Variants in YPEL1 observed in about 807,000 individuals in gnomAD.
YPEL1 encodes the protein protein yippee-like 1.
YPEL1 carries 7 observed loss-of-function variants against 17.3 expected under a neutral mutation model. The observed-to-expected ratio is 0.40, with a 90% CI of 0.23 to 0.76. The LOEUF (loss-of-function observed/expected upper bound fraction) is 0.76. Ranked by LOEUF, YPEL1 falls within the 30% of genes least tolerant of loss-of-function variation. The pLI is 0.35. For missense variants in YPEL1, 91 were observed against 155.5 expected (o/e 0.59, Z 2.21); for synonymous variants, 59 against 59.6 (o/e 0.99, Z 0.05).
chr22:21,714,726 C>T (rs1236581794), intron 1 of YPEL1, among the ~76,000 whole-genome samples: 4 of 152,242 alleles, frequency 2.6e-5, no homozygotes, highest in Admixed American at 6.5e-5. Context: ...CAGCAGCGAA[C>T]ATGAGTCCCT....
rs950149316 is a variant in YPEL1 at position 21,707,826 on chromosome 22, A to C, written c.117+2802T>G. Among the ~76,000 whole-genome samples, 99 of 152,222 alleles carry C rather than the reference A, an allele frequency of 6.5e-4. 2 individuals carry two copies. The highest frequency in any genetic ancestry group is 2.4e-4 in the Non-Finnish European group (16 of 68,026). ...TGTAAATTAGGGCCAGGAGATAAGTAGTTTAGGCTTTGGAGGACATATGGT... is the reference window on the plus strand; with the variant it reads ...TGTAAATTAGGGCCAGGAGATAAGTCGTTTAGGCTTTGGAGGACATATGGT... On this transcript the variant is annotated intron_variant, in intron 2 of 4. Transcript: ENST00000339468.
intron 1 of YPEL1, among the ~76,000 whole-genome samples, chr22:21,720,965 C>T (rs1338548259): frequency 6.6e-6 from 1 of 151,162 alleles, no homozygotes; most frequent in Non-Finnish European, 1.5e-5. Context: ...CACACCACCA[C>T]ACCCAGCTAA....
At chr22:21,735,371 G>T (rs565973330) in intron 1 of YPEL1, among the ~76,000 whole-genome samples, 1 of 152,290 alleles carries the variant, frequency 6.6e-6, no homozygotes, top group Admixed American at 6.5e-5. Context: ...CGGGGGAGGT[G>T]GAGAGAAGAA....
chr22:21,705,179 A>C (rs962713966), intron 2 of YPEL1, among the ~76,000 whole-genome samples: 3 of 152,194 alleles, frequency 2.0e-5, no homozygotes, highest in Admixed American at 2.0e-4. Context: ...GGGTTTCGCC[A>C]TGTTGGCCAG....
Position 21,703,547 on chromosome 22 carries a change from G to A in YPEL1, c.162-69C>T. 1 of 1,417,890 alleles carries A rather than the reference G, an allele frequency of 7.1e-7. No individual in the cohort carries two copies. Among genetic ancestry groups the A allele is most frequent in the East Asian group, 2.3e-5 (1 of 43,528 alleles). The allele number at this position is 1,417,890 out of a possible 1,614,324, so 87.8% of individuals were successfully genotyped here. The stretch of plus-strand genomic sequence containing the variant: ...CCTGACCAGGCCCTGCCCCCTCAGC[G>A]GGCCCCACCCCATCCTCCTAAGAGT... On this transcript the variant is annotated intron_variant, in intron 3 of 4. Coordinates refer to ENST00000339468, the MANE Select transcript of YPEL1 (RefSeq NM_013313.5). The surrounding 1 kb of genome is among the most constrained non-coding windows in gnomAD (Gnocchi z 6.1).
intron 1 of YPEL1, among the ~76,000 whole-genome samples, chr22:21,725,314 G>A (rs2068324681): frequency 6.6e-6 from 1 of 151,234 alleles, no homozygotes; most frequent in Admixed American, 6.6e-5. Flanking sequence ...CCATCTCCCG[G>A]GTTCATGCCA....
chr22:21,701,954 G>A (rs1209579498), intron 4 of YPEL1, among the ~76,000 whole-genome samples: 1 of 152,212 alleles, frequency 6.6e-6, no homozygotes, highest in African/African-American at 2.4e-5. Flanking sequence ...GGGAGGTTGA[G>A]GTGGGAGGAC....
intron 1 of YPEL1, among the ~76,000 whole-genome samples, chr22:21,730,366 G>A (rs1253164851): frequency 6.6e-6 from 1 of 152,046 alleles, no homozygotes; most frequent in Non-Finnish European, 1.5e-5. Context: ...TGGGACTACA[G>A]GCACCTCCCA....
chr22:21,708,012 G>C (rs957475572), intron 2 of YPEL1, among the ~76,000 whole-genome samples: 5 of 152,108 alleles, frequency 3.3e-5, no homozygotes, highest in Non-Finnish European at 5.9e-5. Flanking sequence ...AGGCTCCCTC[G>C]AGCCAGGGGA....
rs1396587184 is a variant in YPEL1, at chr22:21,699,112, A to G, written c.*2017T>C. ...ACCCAAAGGCATGCTGTGTGTGGGC[A>G]GTGAGCTCGAGTGGGCACAGCCCAG... is the stretch of plus-strand genomic sequence containing the variant. On this transcript the variant is annotated 3_prime_UTR_variant, in exon 5 of 5. Transcript: ENST00000339468. 1.3e-5 allele frequency: 2 copies of G among 152,452 alleles called. No homozygotes were observed. Among genetic ancestry groups the G allele is most frequent in the African/African-American group, 4.8e-5 (2 of 41,480 alleles). The allele number at this position is 152,452 out of a possible 1,614,324, so 9.4% of individuals were successfully genotyped here.
Position 21,698,380 on chromosome 22 carries a change from C to CA in YPEL1, c.*2748dup, listed in dbSNP as rs1363094205. 1 of 151,986 alleles carries CA rather than the reference C, an allele frequency of 6.6e-6. No individual in the cohort carries two copies. Among genetic ancestry groups the CA allele is most frequent in the Non-Finnish European group, 1.5e-5 (1 of 67,980 alleles). The allele number at this position is 151,986 out of a possible 1,614,324, so 9.4% of individuals were successfully genotyped here. On this transcript the variant is annotated 3_prime_UTR_variant, in exon 5 of 5. Coordinates refer to ENST00000339468, the MANE Select transcript of YPEL1 (RefSeq NM_013313.5). ...AAATAGAAGGAGCAGCGAACTTGCC[C>CA]AAAACAGAAAAGCTCTAAATAGAAC...
Position 21,710,882 on chromosome 22 carries a change from A to C in YPEL1, c.-138T>G. The C allele has an allele frequency of 1.3e-6, 1 of 758,960 alleles. No homozygotes were observed. The allele number at this position is 758,960 out of a possible 1,614,324, so 47.0% of individuals were successfully genotyped here. On this transcript the variant is annotated 5_prime_UTR_variant, in exon 2 of 5. Transcript: ENST00000339468. ...CAGGAGGGCGTGTGGCACTGTCCAC[A>C]CAGCTGGGACGAGAGAAAAACGTAA...
chr22:21,710,829 GA>G lies in YPEL1; in HGVS notation c.-86del. On this transcript the variant is annotated 5_prime_UTR_variant, in exon 2 of 5. The change creates a premature stop within an existing upstream ORF in the 5' untranslated region. Transcript: ENST00000339468. The stretch of plus-strand genomic sequence containing the variant: ...GGCCTCTCTGACAAAAGCAACACTG[GA>G]AAATGCACGCAAGAGCCGTCGTTGT... The G allele has an allele frequency of 8.3e-7, 1 of 1,204,708 alleles. No homozygotes were observed. The highest frequency in any genetic ancestry group is 1.2e-6 in the Non-Finnish European group (1 of 808,362). 74.6% of individuals were successfully genotyped at this position (1,204,708 alleles called of 1,614,324 possible). A position where few individuals can be genotyped will look rare whatever the true frequency, so the allele number is the denominator to read the frequency against.
intron 1 of YPEL1, among the ~76,000 whole-genome samples, chr22:21,719,498 G>A (rs555284032): frequency 4.6e-5 from 7 of 152,238 alleles, no homozygotes; most frequent in Admixed American, 2.6e-4. Context: ...TCACAAACTG[G>A]GTATTCAGGT....
At chr22:21,715,622 C>G (rs923765281) in intron 1 of YPEL1, among the ~76,000 whole-genome samples, 7 of 151,706 alleles carry the variant, frequency 4.6e-5, no homozygotes, top group African/African-American at 1.7e-4. Flanking sequence ...ATCTCTGTCG[C>G]CCAGGCTGGA....
chr22:21,698,638 ACTC>A lies in YPEL1; in HGVS notation c.*2488_*2490del, dbSNP rs1402882759. On this transcript the variant is annotated 3_prime_UTR_variant, in exon 5 of 5. Coordinates refer to ENST00000339468, the MANE Select transcript of YPEL1 (RefSeq NM_013313.5). Reference sequence around the variant, plus strand: ...TCAGTTTAAGATAAGTTTTCAGTGAACTCCTTCTTCCACCCGGGAAGGTGTCTT... The same window carrying A: ...TCAGTTTAAGATAAGTTTTCAGTGAACTTCTTCCACCCGGGAAGGTGTCTT... The A allele has an allele frequency of 6.6e-6, 1 of 152,248 alleles. No individual in the cohort carries two copies. Among genetic ancestry groups the A allele is most frequent in the Admixed American group, 6.6e-5 (1 of 15,256 alleles). 9.4% of individuals were successfully genotyped at this position (152,248 alleles called of 1,614,324 possible).
intron 1 of YPEL1, among the ~76,000 whole-genome samples, chr22:21,731,890 T>C (rs1003171720): frequency 1.3e-5 from 2 of 152,104 alleles, no homozygotes; most frequent in African/African-American, 4.8e-5. Flanking sequence ...TTGGGCACAG[T>C]TTAGGTGTCT....
At chr22:21,717,256 G>A (rs1056827494) in intron 1 of YPEL1, among the ~76,000 whole-genome samples, 12 of 151,764 alleles carry the variant, frequency 7.9e-5, no homozygotes, top group South Asian at 2.1e-4. Context: ...TCTGCCTGTA[G>A]TCTCAGCTAC....
At chr22:21,711,930 T>C (rs768871105) in intron 1 of YPEL1, among the ~76,000 whole-genome samples, 1 of 152,036 alleles carries the variant, frequency 6.6e-6, no homozygotes, top group Non-Finnish European at 1.5e-5. Flanking sequence ...TCCCAGCACT[T>C]TGGGAGGCTG....
Sources: gnomAD v4.1 joint callset for allele counts (sites outside exome capture counted in the v4.1 genomes callset) on GRCh38, gnomAD v4.1.1 for gene constraint, Gnocchi (gnomAD v3.1) non-coding constraint, MANE v1.5 for transcripts, NCBI Gene and HGNC (gene_info 2026-07-23, HGNC 2026-07-21) for gene names.